DGKB: variants seen among roughly 807,000 people sequenced by gnomAD.
The protein encoded by DGKB is 90 kDa diacylglycerol kinase.
In DGKB, 67 loss-of-function variants were observed where a neutral mutation model predicts 114.3. The ratio of observed to expected loss-of-function variants is 0.59; its 90% CI spans 0.48 to 0.72. The LOEUF (loss-of-function observed/expected upper bound fraction) is 0.72. Among genes scored for constraint, DGKB ranks in the 30% least tolerant of loss-of-function variants. The probability of loss-of-function intolerance (pLI) is 0.00; values close to 1 mark genes in which losing one functional copy is unlikely to be tolerated. For synonymous variants in DGKB, 398 were observed against 323.1 expected (o/e 1.23, Z -2.49); for missense variants, 907 against 975.2 (o/e 0.93, Z 0.93).
chr7:14,968,923 T>A (rs1270257229), intron 1 of DGKB, among the ~76,000 whole-genome samples: 1 of 152,202 alleles, frequency 6.6e-6, no homozygotes, highest in African/African-American at 2.4e-5. Context: ...TTTCTTACTA[T>A]GTATTATCAG....
chr7:14,460,410 C>G (rs1832902950), intron 21 of DGKB, among the ~76,000 whole-genome samples: 1 of 150,528 alleles, frequency 6.6e-6, no homozygotes, highest in African/African-American at 2.4e-5. Flanking sequence ...GAAGATTTAC[C>G]AAGCAAATGG....
intron 23 of DGKB, among the ~76,000 whole-genome samples, chr7:14,297,220 C>T (rs1330968594): frequency 6.6e-6 from 1 of 152,114 alleles, no homozygotes; most frequent in Non-Finnish European, 1.5e-5. Context: ...CCATCATCAT[C>T]CTGATACCAA....
chr7:14,808,969 G>C (rs766850184), intron 2 of DGKB, among the ~76,000 whole-genome samples: 2 of 152,018 alleles, frequency 1.3e-5, no homozygotes, highest in African/African-American at 2.4e-5. Flanking sequence ...ATTATACTTG[G>C]AGCTGCTTGA....
intron 2 of DGKB, among the ~76,000 whole-genome samples, chr7:14,837,095 T>A (rs1345952207): frequency 6.6e-6 from 1 of 152,206 alleles, no homozygotes; most frequent in African/African-American, 2.4e-5. Flanking sequence ...AACTTAATAC[T>A]TATAGCACTG....
intron 23 of DGKB, among the ~76,000 whole-genome samples, chr7:14,244,669 CAAAAAAAAAAA>C (rs34364672): frequency 0.016 from 756 of 46,430 alleles, 11 homozygotes; most frequent in African/African-American, 0.059. Flanking sequence ...GACTCTGTCT[CAAAAAAAAAAA>C]AAAAAAAAAA....
chr7:14,928,079 T>C (rs2128249657), intron 1 of DGKB, among the ~76,000 whole-genome samples: 1 of 152,086 alleles, frequency 6.6e-6, no homozygotes, highest in Admixed American at 6.5e-5. Flanking sequence ...TAATTAAATA[T>C]AAGTCTTTTC....
At position 14,285,110 on chromosome 7, in the gene DGKB, A is replaced by G. The variant is rs543111292; in HGVS notation, c.2122+53405T>C. On this transcript the variant is annotated intron_variant, in intron 23 of 25. Transcript: ENST00000402815. ...TGATATTTTCTCACTCTGCATCCTT[A>G]GAGACCATTATTTCTTTACATTGAA... 3.3e-5 allele frequency among the ~76,000 whole-genome samples: 5 copies of G among 152,332 alleles called. No homozygotes were observed. In the East Asian group the frequency reaches 5.8e-4, roughly 18 times the overall value.
At chr7:14,970,001 A>C (rs1418195877) in intron 1 of DGKB, among the ~76,000 whole-genome samples, 1 of 152,182 alleles carries the variant, frequency 6.6e-6, no homozygotes, top group Non-Finnish European at 1.5e-5. Flanking sequence ...CTCCTTGTAC[A>C]TGCAGTCCAT....
chr7:14,638,639 G>T (rs922302386), intron 13 of DGKB, among the ~76,000 whole-genome samples: 1 of 152,080 alleles, frequency 6.6e-6, no homozygotes, highest in African/African-American at 2.4e-5. Context: ...GAATAATGGG[G>T]GTGCTAGTCA....
chr7:14,955,581 G>A (rs922632221), intron 1 of DGKB, among the ~76,000 whole-genome samples: 3 of 151,990 alleles, frequency 2.0e-5, no homozygotes, highest in African/African-American at 2.4e-5. Flanking sequence ...TGATGTAAAC[G>A]TTCAGTTTAA....
chr7:14,767,613 T>C (rs1474230435), intron 2 of DGKB, among the ~76,000 whole-genome samples: 4 of 151,962 alleles, frequency 2.6e-5, no homozygotes, highest in Admixed American at 6.6e-5. Context: ...TTTAACTTCC[T>C]CTCTTTAACC....
intron 21 of DGKB, among the ~76,000 whole-genome samples, chr7:14,419,626 GAA>G (rs35214296): frequency 7.0e-6 from 1 of 142,532 alleles, no homozygotes; most frequent in Non-Finnish European, 1.5e-5. Flanking sequence ...CACTTAATTT[GAA>G]AAAAAAAAAA....
chr7:14,553,811 T>G (rs1326145812), intron 20 of DGKB, among the ~76,000 whole-genome samples: 1 of 147,248 alleles, frequency 6.8e-6, no homozygotes, highest in Non-Finnish European at 1.5e-5. Flanking sequence ...CAGATTAATT[T>G]ATATGTTTTC....
intron 23 of DGKB, among the ~76,000 whole-genome samples, chr7:14,270,567 C>A (rs1276648290): frequency 6.6e-6 from 1 of 152,178 alleles, no homozygotes; most frequent in Non-Finnish European, 1.5e-5. Context: ...ATTGGTAGTA[C>A]AGGCAATCTG....
At chr7:14,182,925 G>C (rs2128252851) in intron 23 of DGKB, among the ~76,000 whole-genome samples, 1 of 152,270 alleles carries the variant, frequency 6.6e-6, no homozygotes, top group South Asian at 2.1e-4. Context: ...AGAAAGGCTG[G>C]AGCAGAGTAG....
intron 2 of DGKB, among the ~76,000 whole-genome samples, chr7:14,798,695 C>G (rs919067096): frequency 6.6e-6 from 1 of 152,142 alleles, no homozygotes; most frequent in African/African-American, 2.4e-5. Context: ...CTTTGGCCCA[C>G]CAGTTATAAC....
chr7:14,400,884 G>C (rs1473770965), intron 21 of DGKB, among the ~76,000 whole-genome samples: 1 of 151,750 alleles, frequency 6.6e-6, no homozygotes, highest in Non-Finnish European at 1.5e-5. Context: ...TCAAGTTTAA[G>C]CAGGTCACAT....
chr7:14,925,666 C>A (rs374256597), intron 1 of DGKB, among the ~76,000 whole-genome samples: 1 of 151,968 alleles, frequency 6.6e-6, no homozygotes, highest in Non-Finnish European at 1.5e-5. Context: ...AATTGTAAAT[C>A]GTATTGTGTT....
At chr7:14,779,509 C>T (rs1838748801) in intron 2 of DGKB, among the ~76,000 whole-genome samples, 1 of 151,948 alleles carries the variant, frequency 6.6e-6, no homozygotes, top group Admixed American at 6.6e-5. Flanking sequence ...GTATTCTAGC[C>T]TGGGCAACAG....
Sources: gnomAD v4.1 joint callset for allele counts (sites outside exome capture counted in the v4.1 genomes callset) on GRCh38, gnomAD v4.1.1 for gene constraint, MANE v1.5 for transcripts, NCBI Gene and HGNC (gene_info 2026-07-23, HGNC 2026-07-21) for gene names.